Variants in DVL3 observed in about 807,000 individuals in gnomAD.
DVL3 encodes the protein segment polarity protein dishevelled homolog DVL-3.
A neutral mutation model predicts 67.4 loss-of-function variants in DVL3; 27 were observed. The observed-to-expected ratio is 0.40, with a 90% CI of 0.30 to 0.55. The LOEUF (loss-of-function observed/expected upper bound fraction) is 0.55, where lower values mean the gene tolerates loss of function less well. DVL3 is among the 20% of genes least tolerant of loss of function. The probability of loss-of-function intolerance (pLI) is 0.46; values close to 1 mark genes in which losing one functional copy is unlikely to be tolerated. For missense variants in DVL3, 819 were observed against 1,021.5 expected (o/e 0.80, Z 2.70); for synonymous variants, 369 against 396.8 (o/e 0.93, Z 0.83).
intron 1 of DVL3, chr3:184,156,647 C>G: frequency 2.8e-6 from 1 of 357,020 alleles, no homozygotes; most frequent in African/African-American, 2.1e-5. Context: ...GTCACTTTCC[C>G]TTTAAGAGGG....
intron 1 of DVL3, among the ~76,000 whole-genome samples, chr3:184,161,352 G>A (rs1372847707): frequency 6.6e-6 from 1 of 152,082 alleles, no homozygotes; most frequent in Non-Finnish European, 1.5e-5. Context: ...ACTTGAACCC[G>A]GGAGGCGCAG....
chr3:184,171,595 G>T lies in DVL3; in HGVS notation c.*840G>T, dbSNP rs1359917622. 1 of 985,784 alleles carries T rather than the reference G, an allele frequency of 1.0e-6. No individual in the cohort carries two copies. The highest frequency in any genetic ancestry group is 1.7e-5 in the African/African-American group (1 of 57,224). 61.1% of individuals were successfully genotyped at this position (985,784 alleles called of 1,614,324 possible). On this transcript the variant is annotated 3_prime_UTR_variant, in exon 15 of 15. Coordinates refer to ENST00000313143, the MANE Select transcript of DVL3 (RefSeq NM_004423.4). Reference sequence around the variant, plus strand: ...AGAATTTCGGGCTGTTTGACTTTCTGTGAGCCCCCAGCGAGGGGAGGCCCA... The same window carrying T: ...AGAATTTCGGGCTGTTTGACTTTCTTTGAGCCCCCAGCGAGGGGAGGCCCA...
rs1172794619 is a variant in DVL3, at chr3:184,165,164, C to A, written c.651C>A (p.His217Gln). The change falls in exon 6 of 15, where the codon CAC becomes CAA. Residue 217 changes from histidine to glutamine, a missense_variant. Around this residue, in one of 3 missense-constraint regions of DVL3, gnomAD observed 385 missense variants for 486.8 expected, o/e 0.79. Transcript: ENST00000313143. The surrounding 1 kb of genome is among the most constrained non-coding windows in gnomAD (Gnocchi z 4.1). ...QSSASRLMRR[H>Q]KRRRRKQKVS... Reference sequence around the variant, plus strand: ...GTGCCTCACGCCTGATGAGAAGACACAAGCGGCGGCGGCGGAAGCAGAAGG... The same window carrying A: ...GTGCCTCACGCCTGATGAGAAGACAAAAGCGGCGGCGGCGGAAGCAGAAGG... The A allele has an allele frequency of 5.0e-6, 8 of 1,606,594 alleles. No homozygotes were observed. Among genetic ancestry groups the A allele is most frequent in the South Asian group, 2.2e-5 (2 of 90,096 alleles).
rs1437503392 is a variant in DVL3 at position 184,155,853 on chromosome 3, A to T, written c.161+57A>T. Reference sequence around the variant, plus strand: ...CCCCGGCCGCTCTGGCTTCTAAGGGATGACGCGGTCCGTTTCGACTTGCCT... The same window carrying T: ...CCCCGGCCGCTCTGGCTTCTAAGGGTTGACGCGGTCCGTTTCGACTTGCCT... On this transcript the variant is annotated intron_variant, in intron 1 of 14. Transcript: ENST00000313143. The surrounding 1 kb of genome is among the most constrained non-coding windows in gnomAD (Gnocchi z 5.4). 10 of 1,541,088 alleles carry T rather than the reference A, an allele frequency of 6.5e-6. No homozygotes were observed. Among genetic ancestry groups the T allele is most frequent in the Non-Finnish European group, 8.7e-6 (10 of 1,142,894 alleles).
chr3:184,162,621 G>T lies in DVL3; in HGVS notation c.162-1036G>T, dbSNP rs185355102. On this transcript the variant is annotated intron_variant, in intron 1 of 14. Transcript: ENST00000313143. ...GTTGCCCAGGCTGGAGCACAGTGGC[G>T]TGATCTCAGCTCACTGCAACCTCCA... Among the ~76,000 whole-genome samples, 317 of 145,648 alleles carry T rather than the reference G, an allele frequency of 2.2e-3. 2 individuals carry two copies. The highest frequency in any genetic ancestry group is 3.5e-3 in the Non-Finnish European group (235 of 66,980).
Position 184,170,923 on chromosome 3 carries a change from C to T in DVL3, c.*168C>T. 6.5e-7 allele frequency: 1 copy of T among 1,541,114 alleles called. No individual in the cohort carries two copies. Among genetic ancestry groups the T allele is most frequent in the Non-Finnish European group, 8.7e-7 (1 of 1,145,348 alleles). On this transcript the variant is annotated 3_prime_UTR_variant, in exon 15 of 15. Transcript: ENST00000313143. The surrounding 1 kb of genome is among the most constrained non-coding windows in gnomAD (Gnocchi z 6.5). ...GTGCTGCGAGGGTGGGGTGCACCTA[C>T]CGATTGGCTCTGCAGCCCCCTAACC... is the stretch of plus-strand genomic sequence containing the variant.
At chr3:184,160,558 G>A (rs1457305735) in intron 1 of DVL3, among the ~76,000 whole-genome samples, 2 of 152,014 alleles carry the variant, frequency 1.3e-5, no homozygotes, top group Non-Finnish European at 2.9e-5. Context: ...GTGTGTAAGT[G>A]CTATGTAAAC....
Position 184,164,134 on chromosome 3 carries a change from C to A in DVL3, c.232-133C>A. On this transcript the variant is annotated intron_variant, in intron 2 of 14. Coordinates refer to ENST00000313143, the MANE Select transcript of DVL3 (RefSeq NM_004423.4). This position sits in a 1 kb window ranked among gnomAD's most constrained non-coding sequence, Gnocchi z 5.3. ...CCACTGTTCATCTCAGCCACCCTCGCACAGCCCTGTCTTTTCTCCCTCGAT... is the reference window on the plus strand; with the variant it reads ...CCACTGTTCATCTCAGCCACCCTCGAACAGCCCTGTCTTTTCTCCCTCGAT... 2 of 1,142,144 alleles carry A rather than the reference C, an allele frequency of 1.8e-6. No individual in the cohort carries two copies. The highest frequency in any genetic ancestry group is 2.5e-6 in the Non-Finnish European group (2 of 789,998). 70.8% of individuals were successfully genotyped at this position (1,142,144 alleles called of 1,614,324 possible).
In DVL3 at chr3:184,170,404, C is replaced by T; in HGVS notation, c.1800C>T (p.Gly600=). 1.9e-6 allele frequency: 3 copies of T among 1,602,486 alleles called. No homozygotes were observed. Among genetic ancestry groups the T allele is most frequent in the Non-Finnish European group, 2.6e-6 (3 of 1,174,848 alleles). The change falls in exon 15 of 15, where the codon GGC becomes GGT. Residue 600 remains glycine (G), a synonymous_variant. Transcript: ENST00000313143. The surrounding 1 kb of genome is among the most constrained non-coding windows in gnomAD (Gnocchi z 6.5). ...AGGCCGGGGACTCCAAGTCCGGGGG[C>T]AGCGGCAGCGAATCGGACCACACCA... ...DPKAGDSKSG[G]SGSESDHTTR...
At chr3:184,161,614 A>G (rs1399873886) in intron 1 of DVL3, among the ~76,000 whole-genome samples, 2 of 151,962 alleles carry the variant, frequency 1.3e-5, no homozygotes, top group South Asian at 2.1e-4. Flanking sequence ...CCTAGCCCCA[A>G]ACTGTAGTTA....
chr3:184,167,525 G>T lies in DVL3; in HGVS notation c.1199-55G>T. 3.8e-6 allele frequency: 6 copies of T among 1,558,954 alleles called. No individual in the cohort carries two copies. The highest frequency in any genetic ancestry group is 5.3e-6 in the Non-Finnish European group (6 of 1,140,302). ...TGGTAGAGCTAGAATGCAAACTCTT[G>T]TTTACCTAACTCCAAAGCCCCTTTC... On this transcript the variant is annotated intron_variant, in intron 11 of 14. Transcript: ENST00000313143. The surrounding 1 kb of genome is among the most constrained non-coding windows in gnomAD (Gnocchi z 4.6).
intron 1 of DVL3, among the ~76,000 whole-genome samples, chr3:184,161,421 C>T (rs571753099): frequency 1.3e-4 from 20 of 151,512 alleles, no homozygotes; most frequent in Admixed American, 5.3e-4. Context: ...AGCGAGACTC[C>T]GTCTCAAAAA....
intron 13 of DVL3, 42 bp from the exon 14 acceptor site, chr3:184,169,964 T>A (rs1372891041): frequency 3.3e-6 from 5 of 1,533,528 alleles, no homozygotes; most frequent in Non-Finnish European, 4.4e-6. Context: ...TAGGGACCTC[T>A]CTCCGGAAAG....
rs201368206 is a variant in DVL3 at position 184,166,422 on chromosome 3, A to T, written c.904-24A>T. The T allele has an allele frequency of 5.4e-4, 879 of 1,613,956 alleles. 10 individuals are homozygous for T. The South Asian group carries it at 8.9e-3, about 16-fold the overall frequency. On this transcript the variant is annotated intron_variant, in intron 8 of 14. Coordinates refer to ENST00000313143, the MANE Select transcript of DVL3 (RefSeq NM_004423.4). The surrounding 1 kb of genome is among the most constrained non-coding windows in gnomAD (Gnocchi z 6.7). ...TTCATCCTCCCCAGCACAGCTGTTT[A>T]TCCCACTCCTGGTCCTTTCCCAGGT... is the stretch of plus-strand genomic sequence containing the variant.
Position 184,170,913 on chromosome 3 carries a change from G to C in DVL3, c.*158G>C. On this transcript the variant is annotated 3_prime_UTR_variant, in exon 15 of 15. Transcript: ENST00000313143. This position sits in a 1 kb window ranked among gnomAD's most constrained non-coding sequence, Gnocchi z 6.5. ...TGCTCGCAGGGTGCTGCGAGGGTGG[G>C]GTGCACCTACCGATTGGCTCTGCAG... is the stretch of plus-strand genomic sequence containing the variant. The C allele has an allele frequency of 6.5e-7, 1 of 1,543,778 alleles. No individual in the cohort carries two copies. The highest frequency in any genetic ancestry group is 8.7e-7 in the Non-Finnish European group (1 of 1,145,764).
Position 184,170,842 on chromosome 3 carries a change from G to C in DVL3, c.*87G>C. ...TCCGTCCGTCTTTTTTACTTTGTCTGGTACCTGAAAGGGAAATAAAAGGAA... is the reference window on the plus strand; with the variant it reads ...TCCGTCCGTCTTTTTTACTTTGTCTCGTACCTGAAAGGGAAATAAAAGGAA... On this transcript the variant is annotated 3_prime_UTR_variant, in exon 15 of 15. Coordinates refer to ENST00000313143, the MANE Select transcript of DVL3 (RefSeq NM_004423.4). The surrounding 1 kb of genome is among the most constrained non-coding windows in gnomAD (Gnocchi z 6.5). The C allele has an allele frequency of 1.9e-6, 3 of 1,570,294 alleles. No homozygotes were observed. Among genetic ancestry groups the C allele is most frequent in the Non-Finnish European group, 8.6e-7 (1 of 1,158,382 alleles).
rs199777933 is a variant in DVL3, at chr3:184,166,998, T to C, written c.1198+23T>C. On this transcript the variant is annotated intron_variant, in intron 11 of 14. Coordinates refer to ENST00000313143, the MANE Select transcript of DVL3 (RefSeq NM_004423.4). The surrounding 1 kb of genome is among the most constrained non-coding windows in gnomAD (Gnocchi z 6.7). ...AGCGTGAGTGTCCCACCCTGTCTCCTGGGCCCAGCAGACAGGGCCAGGTGG... is the reference window on the plus strand; with the variant it reads ...AGCGTGAGTGTCCCACCCTGTCTCCCGGGCCCAGCAGACAGGGCCAGGTGG... 9.1e-4 allele frequency: 1,474 copies of C among 1,612,680 alleles called. 4 individuals carry two copies. Among genetic ancestry groups the C allele is most frequent in the South Asian group, 2.5e-3 (225 of 90,936 alleles).
chr3:184,159,849 A>G (rs146408018), intron 1 of DVL3, among the ~76,000 whole-genome samples: 2 of 152,314 alleles, frequency 1.3e-5, no homozygotes, highest in East Asian at 1.9e-4. Flanking sequence ...GAGAAAACCT[A>G]CAATAGCAAG....
rs775253752 is a variant in DVL3 at position 184,164,649 on chromosome 3, T to C, written c.463+48T>C. ...ACTGTCCGCACCTCACACCCTCCCCTCACTTTCCACCCAGCTACCCACCTT... is the reference window on the plus strand; with the variant it reads ...ACTGTCCGCACCTCACACCCTCCCCCCACTTTCCACCCAGCTACCCACCTT... On this transcript the variant is annotated intron_variant, in intron 4 of 14. Coordinates refer to ENST00000313143, the MANE Select transcript of DVL3 (RefSeq NM_004423.4). This position sits in a 1 kb window ranked among gnomAD's most constrained non-coding sequence, Gnocchi z 5.3. The C allele has an allele frequency of 6.4e-7, 1 of 1,551,030 alleles. No individual in the cohort carries two copies. Among genetic ancestry groups the C allele is most frequent in the South Asian group, 1.2e-5 (1 of 81,016 alleles).
Sources: gnomAD v4.1 joint callset for allele counts (sites outside exome capture counted in the v4.1 genomes callset) on GRCh38, gnomAD v4.1.1 for gene constraint, gnomAD v4.1.1 regional missense constraint, Gnocchi (gnomAD v3.1) non-coding constraint, MANE v1.5 for transcripts, NCBI Gene and HGNC (gene_info 2026-07-23, HGNC 2026-07-21) for gene names.